The following SYT17 variants were observed in gnomAD, a reference collection of about 807,000 sequenced individuals.
SYT17 encodes the protein synaptotagmin-17.
SYT17 carries 22 observed loss-of-function variants against 46.7 expected under a neutral mutation model. The observed-to-expected ratio is 0.47, with a 90% confidence interval of 0.34 to 0.67. The LOEUF is 0.67. SYT17 is among the 30% of genes least tolerant of loss of function. The pLI, the probability that SYT17 is intolerant of heterozygous loss-of-function variation, is 0.01. For missense variants in SYT17, 519 were observed against 612.8 expected (o/e 0.85, Z 1.62); for synonymous variants, 251 against 248.4 (o/e 1.01, Z -0.10).
rs141091069 is a variant in SYT17, at chr16:19,216,640, T to G, written c.952-6405T>G. Among the ~76,000 whole-genome samples the G allele has an allele frequency of 3.2e-3, 484 of 152,326 alleles. 3 individuals are homozygous for G. The highest frequency in any genetic ancestry group is 3.0e-3 in the Non-Finnish European group (202 of 68,026). On this transcript the variant is annotated intron_variant, in intron 5 of 7. Transcript: ENST00000355377. ...GAGTGAGAACATGCGGTGTTTGGTT[T>G]TCTGTTCCTGTGTTAGTTTGCTGAG...
chr16:19,226,972 G>GT (rs1426070836), intron 7 of SYT17, among the ~76,000 whole-genome samples: 1 of 152,156 alleles, frequency 6.6e-6, no homozygotes, highest in Admixed American at 6.5e-5. Context: ...GAGAACAGGG[G>GT]TTATGTGCCT....
intron 5 of SYT17, among the ~76,000 whole-genome samples, chr16:19,197,363 G>C (rs1965288597): frequency 6.6e-6 from 1 of 151,954 alleles, no homozygotes; most frequent in African/African-American, 2.4e-5. Flanking sequence ...TTTTTTGTTT[G>C]TTTTGATTTG....
At chr16:19,186,823 C>T (rs1216101228) in intron 5 of SYT17, among the ~76,000 whole-genome samples, 1 of 152,108 alleles carries the variant, frequency 6.6e-6, no homozygotes, top group Non-Finnish European at 1.5e-5. Context: ...CTCTGATCTG[C>T]TCATTTCTTC....
intron 3 of SYT17, 197 bp from the exon 4 acceptor site, chr16:19,180,193 CA>C (rs991300250): frequency 1.8e-5 from 10 of 566,970 alleles, no homozygotes; most frequent in African/African-American, 1.5e-4. Flanking sequence ...AATATTTCTT[CA>C]TATCATTTCA....
chr16:19,170,088 A>T (rs936250499), intron 1 of SYT17: 11 of 152,168 alleles, frequency 7.2e-5, no homozygotes, highest in Non-Finnish European at 1.3e-4. Context: ...TTCTAGAACA[A>T]GGTGTTAAAC....
intron 2 of SYT17, 103 bp from the exon 3 acceptor site, chr16:19,173,327 C>T (rs1302849002): frequency 1.4e-5 from 10 of 719,428 alleles, no homozygotes; most frequent in South Asian, 5.7e-5. Flanking sequence ...CATCCGAGAT[C>T]GGCTGCTTGT....
intron 7 of SYT17, among the ~76,000 whole-genome samples, chr16:19,241,901 C>T (rs1304346792): frequency 1.3e-5 from 2 of 152,178 alleles, no homozygotes; most frequent in African/African-American, 2.4e-5. Flanking sequence ...CCGCAACTGC[C>T]CCCCACCACC....
At chr16:19,238,453 G>A (rs941553782) in intron 7 of SYT17, among the ~76,000 whole-genome samples, 1 of 152,186 alleles carries the variant, frequency 6.6e-6, no homozygotes, top group Non-Finnish European at 1.5e-5. Flanking sequence ...TCCTGGCAGA[G>A]CCCCCAGTAG....
At chr16:19,243,950 G>A (rs992852301) in intron 7 of SYT17, among the ~76,000 whole-genome samples, 2 of 151,898 alleles carry the variant, frequency 1.3e-5, no homozygotes, top group African/African-American at 2.4e-5. Context: ...ACTAGGGCAA[G>A]TTGTACTTTT....
intron 5 of SYT17, among the ~76,000 whole-genome samples, chr16:19,204,417 G>A (rs975798570): frequency 7.2e-5 from 11 of 152,084 alleles, no homozygotes; most frequent in African/African-American, 1.2e-4. Flanking sequence ...GAAACGACAC[G>A]AGGGCAGAGG....
chr16:19,189,165 C>T lies in SYT17; in HGVS notation c.951+5018C>T, dbSNP rs371600333. 2.4e-4 allele frequency among the ~76,000 whole-genome samples: 36 copies of T among 152,264 alleles called. No homozygotes were observed. In the East Asian group the frequency reaches 6.4e-3, roughly 27 times the overall value. ...CCTCCCATAGTGCTGGGATTACAGG[C>T]GTGAGCCACGTCTTTTCTCTTCTTA... On this transcript the variant is annotated intron_variant, in intron 5 of 7. Coordinates refer to ENST00000355377, the MANE Select transcript of SYT17 (RefSeq NM_016524.4).
At chr16:19,254,034 T>C (rs1191297627) in intron 7 of SYT17, among the ~76,000 whole-genome samples, 1 of 152,192 alleles carries the variant, frequency 6.6e-6, no homozygotes, top group Non-Finnish European at 1.5e-5. Flanking sequence ...CAGTCCTCTT[T>C]CAATTCTTTA....
chr16:19,221,751 G>A (rs1463253894), intron 5 of SYT17, among the ~76,000 whole-genome samples: 1 of 152,128 alleles, frequency 6.6e-6, no homozygotes, highest in African/African-American at 2.4e-5. Context: ...AAAGATAGAT[G>A]ATAAAGATAG....
chr16:19,174,497 T>C (rs77275045), intron 3 of SYT17, among the ~76,000 whole-genome samples: 11,581 of 152,256 alleles, frequency 0.076, 481 homozygotes, highest in Admixed American at 0.1. Flanking sequence ...GTCCTTGGCC[T>C]GAGATTCCAA....
intron 2 of SYT17, chr16:19,173,064 GAAGACACAGT>G (rs1468511396): frequency 7.0e-6 from 4 of 572,602 alleles, no homozygotes; most frequent in Non-Finnish European, 1.2e-5. Flanking sequence ...CTGCTTTCAA[GAAGACACAGT>G]AATATTCATT....
chr16:19,196,541 G>A (rs1456228264), intron 5 of SYT17, among the ~76,000 whole-genome samples: 1 of 116,642 alleles, frequency 8.6e-6, no homozygotes, highest in Non-Finnish European at 1.8e-5. Context: ...CCAGCACCCA[G>A]CTGAAGAATT....
chr16:19,182,508 TG>T (rs1157686585), intron 4 of SYT17, among the ~76,000 whole-genome samples: 3 of 152,258 alleles, frequency 2.0e-5, no homozygotes, highest in African/African-American at 4.8e-5. Flanking sequence ...ATGTGTGGCT[TG>T]CATTTCTGGC....
In SYT17 at chr16:19,267,231, CAG is replaced by C; in HGVS notation, c.*157_*158del. ...GACACACAGATACCCCAAATCCTCT[CAG>C]AACTGAGAGGAAGCTGACTATTGAT... On this transcript the variant is annotated 3_prime_UTR_variant, in exon 8 of 8. Transcript: ENST00000355377. 1 of 676,942 alleles carries C rather than the reference CAG, an allele frequency of 1.5e-6. No homozygotes were observed. The allele number at this position is 676,942 out of a possible 1,614,324, so 41.9% of individuals were successfully genotyped here. A position where few individuals can be genotyped will look rare whatever the true frequency, so the allele number is the denominator to read the frequency against.
At chr16:19,258,904 C>T (rs1173485126) in intron 7 of SYT17, among the ~76,000 whole-genome samples, 1 of 152,198 alleles carries the variant, frequency 6.6e-6, no homozygotes, top group South Asian at 2.1e-4. Context: ...ATAAACTGAT[C>T]TTTATCCCAG....
Sources: gnomAD v4.1 joint callset for allele counts (sites outside exome capture counted in the v4.1 genomes callset) on GRCh38, gnomAD v4.1.1 for gene constraint, MANE v1.5 for transcripts, NCBI Gene and HGNC (gene_info 2026-07-23, HGNC 2026-07-21) for gene names.